ESRP1: variants seen among roughly 807,000 people sequenced by gnomAD.
The protein encoded by ESRP1 is RNA-binding motif protein 35A.
Under a neutral mutation model 81.7 loss-of-function variants are expected in ESRP1, and 33 were observed. That is an observed-to-expected ratio of 0.40 (90% CI 0.31 to 0.54). The LOEUF (loss-of-function observed/expected upper bound fraction) is 0.54, where lower values mean the gene tolerates loss of function less well. Ranked by LOEUF, ESRP1 falls within the 20% of genes least tolerant of loss-of-function variation. The pLI is 0.41. For missense variants in ESRP1, 672 were observed against 833.1 expected, an observed-to-expected ratio of 0.81 and a Z score of 2.38; for synonymous variants, 320 against 303.3, an observed-to-expected ratio of 1.06 and a Z score of -0.57.
intron 4 of ESRP1, 72 bp downstream of exon 4, chr8:94,646,354 A>G (rs1022919488): frequency 9.5e-7 from 1 of 1,055,406 alleles, no homozygotes; most frequent in Admixed American, 2.6e-5. Context: ...AGAAACTTTC[A>G]AACATTTTAA....
chr8:94,646,066 C>T, intron 3 of ESRP1, 102 bp from the exon 4 acceptor site: 3 of 594,178 alleles, frequency 5.0e-6, no homozygotes, highest in Non-Finnish European at 8.6e-6. Flanking sequence ...TAAATTTTTC[C>T]ATTGTAAAAT....
chr8:94,705,975 CT>C lies in ESRP1; in HGVS notation c.*87del, dbSNP rs1464651228. ...GAAACCTCCAGACACAAGAAAACTT[CT>C]AGCAAATTCAGGGGAAGTTTGTCTA... is the stretch of plus-strand genomic sequence containing the variant. On this transcript the variant is annotated 3_prime_UTR_variant, in exon 16 of 16. Transcript: ENST00000433389. 2.0e-6 allele frequency: 3 copies of C among 1,511,220 alleles called. No homozygotes were observed. In the Admixed American group the frequency reaches 7.0e-5, roughly 35 times the overall value. 93.6% of individuals were successfully genotyped at this position (1,511,220 alleles called of 1,614,324 possible).
intron 13 of ESRP1, among the ~76,000 whole-genome samples, chr8:94,684,404 C>T (rs1809054336): frequency 6.6e-6 from 1 of 152,112 alleles, no homozygotes; most frequent in African/African-American, 2.4e-5. Context: ...TTATTAAATC[C>T]ATGAAGAATC....
chr8:94,646,676 G>A (rs1210475034), intron 4 of ESRP1, among the ~76,000 whole-genome samples: 2 of 152,000 alleles, frequency 1.3e-5, no homozygotes, highest in African/African-American at 2.4e-5. Context: ...TTTTTAATTG[G>A]TGGATATATC....
At chr8:94,678,519 G>C (rs552487847) in intron 13 of ESRP1, 148 bp downstream of exon 13, 1 of 920,508 alleles carries the variant, frequency 1.1e-6, no homozygotes, top group East Asian at 2.7e-5. Context: ...GACCAAGAAG[G>C]TTGTTTCAAG....
chr8:94,653,987 C>T (rs1430816793), intron 4 of ESRP1, among the ~76,000 whole-genome samples: 1 of 152,094 alleles, frequency 6.6e-6, no homozygotes, highest in Non-Finnish European at 1.5e-5. Flanking sequence ...CTTGCCAGCC[C>T]TCAGACTGAT....
intron 13 of ESRP1, among the ~76,000 whole-genome samples, chr8:94,689,811 C>CTGTTTTTTTTTTTTT (rs1809303768): frequency 1.5e-5 from 1 of 64,680 alleles, no homozygotes; most frequent in Non-Finnish European, 3.0e-5. Flanking sequence ...TGATGCCTGG[C>CTGTTTTTTTTTTTTT]TTTTTTTTTT....
At chr8:94,682,133 C>T (rs1248005873) in intron 13 of ESRP1, among the ~76,000 whole-genome samples, 1 of 152,096 alleles carries the variant, frequency 6.6e-6, no homozygotes, top group Non-Finnish European at 1.5e-5. Context: ...CTATTTGGGT[C>T]CTCTCTGATT....
chr8:94,654,291 C>G (rs1818295340), intron 4 of ESRP1, among the ~76,000 whole-genome samples: 1 of 152,138 alleles, frequency 6.6e-6, no homozygotes, highest in Admixed American at 6.5e-5. Flanking sequence ...TTACCCTAGC[C>G]TGGGCGACAG....
intron 9 of ESRP1, among the ~76,000 whole-genome samples, chr8:94,667,717 C>T (rs1208959779): frequency 2.0e-5 from 3 of 152,014 alleles, no homozygotes; most frequent in African/African-American, 7.2e-5. Flanking sequence ...GTGATTGGCC[C>T]GTGATTTAAT....
At chr8:94,659,652 A>G (rs772535014) in intron 4 of ESRP1, among the ~76,000 whole-genome samples, 1 of 152,252 alleles carries the variant, frequency 6.6e-6, no homozygotes, top group African/African-American at 2.4e-5. Context: ...GCCAGGCCTT[A>G]TGCACCAAAT....
intron 15 of ESRP1, among the ~76,000 whole-genome samples, chr8:94,699,931 T>C (rs1272446691): frequency 6.6e-6 from 1 of 152,096 alleles, no homozygotes; most frequent in Non-Finnish European, 1.5e-5. Context: ...TCCTTATCAA[T>C]ATCAAATTCA....
chr8:94,699,598 C>T (rs1165002385), intron 15 of ESRP1, among the ~76,000 whole-genome samples: 2 of 152,138 alleles, frequency 1.3e-5, no homozygotes, highest in African/African-American at 2.4e-5. Flanking sequence ...CATGATTGTA[C>T]CACTGCAGTC....
intron 4 of ESRP1, among the ~76,000 whole-genome samples, chr8:94,657,497 G>GTGTGTT (rs1818495095): frequency 6.6e-6 from 1 of 151,676 alleles, no homozygotes; most frequent in Non-Finnish European, 1.5e-5. Flanking sequence ...GTGTGTGTGT[G>GTGTGTT]TGTGTGTAAG....
intron 4 of ESRP1, among the ~76,000 whole-genome samples, chr8:94,653,383 C>T (rs1245872031): frequency 1.2e-4 from 19 of 152,140 alleles, no homozygotes; most frequent in Admixed American, 1.1e-3. Context: ...GATTCCCCAT[C>T]TTAAAATGGG....
At chr8:94,682,904 T>TTATTTATATATATATATA (rs1554579845) in intron 13 of ESRP1, among the ~76,000 whole-genome samples, 4 of 29,842 alleles carry the variant, frequency 1.3e-4, no homozygotes, top group African/African-American at 7.2e-4. Flanking sequence ...ATTCATTATT[T>TTATTTATATATATATATA]TATATATATA....
At chr8:94,646,395 A>G in intron 4 of ESRP1, 113 bp downstream of exon 4, 2 of 655,658 alleles carry the variant, frequency 3.1e-6, no homozygotes, top group Non-Finnish European at 5.0e-6. Flanking sequence ...AAATTGGCCT[A>G]TCCAAAATTT....
At chr8:94,696,815 C>T (rs749743240) in intron 14 of ESRP1, 37 bp from the exon 15 acceptor site, 14 of 1,452,914 alleles carry the variant, frequency 9.6e-6, no homozygotes, top group Admixed American at 4.5e-5. Context: ...ACAGTTTGTC[C>T]GTCTTTTGAT....
intron 11 of ESRP1, among the ~76,000 whole-genome samples, chr8:94,673,614 A>T (rs1488042650): frequency 2.6e-5 from 4 of 152,238 alleles, no homozygotes; most frequent in Non-Finnish European, 5.9e-5. Flanking sequence ...GGTTTGAAAT[A>T]GGGGGTTTTA....
Sources: gnomAD v4.1 joint callset for allele counts (sites outside exome capture counted in the v4.1 genomes callset) on GRCh38, gnomAD v4.1.1 for gene constraint, MANE v1.5 for transcripts, NCBI Gene and HGNC (gene_info 2026-07-23, HGNC 2026-07-21) for gene names.